EXT1: variants seen among roughly 807,000 people sequenced by gnomAD.
The protein encoded by EXT1 is exostosin glycosyltransferase 1.
EXT1 carries 20 observed loss-of-function variants against 82.5 expected under a neutral mutation model. The observed-to-expected ratio is 0.24, with a 90% CI of 0.17 to 0.35. The LOEUF (loss-of-function observed/expected upper bound fraction) is 0.35, where lower values mean the gene tolerates loss of function less well. EXT1 is among the 10% of genes least tolerant of loss of function. The pLI is 1.00. For missense variants in EXT1, 757 were observed against 936.5 expected, an observed-to-expected ratio of 0.81 and a Z score of 2.50; for synonymous variants, 348 against 350.8, an observed-to-expected ratio of 0.99 and a Z score of 0.09.
rs529572810 is a variant in EXT1, at chr8:117,820,941, T to C, written c.1418-1147A>G. 4.6e-5 allele frequency among the ~76,000 whole-genome samples: 7 copies of C among 152,262 alleles called. No homozygotes were observed. The East Asian group carries it at 1.2e-3, about 25-fold the overall frequency. ...TGAAGCCCTAGGTTAAAAAGGATCA[T>C]AGATATGCAAAACAACCACTGTCAC... On this transcript the variant is annotated intron_variant, in intron 5 of 10. Transcript: ENST00000378204.
At chr8:118,060,134 T>TAAAAAAAAAAAA (rs1381073250) in intron 1 of EXT1, among the ~76,000 whole-genome samples, 1 of 152,158 alleles carries the variant, frequency 6.6e-6, no homozygotes, top group Non-Finnish European at 1.5e-5. Flanking sequence ...AACTCTCAGG[T>TAAAAAAAAAAAA]AAAAATGAGT....
chr8:117,876,835 G>A (rs148445724), intron 1 of EXT1, among the ~76,000 whole-genome samples: 257 of 152,234 alleles, frequency 1.7e-3, no homozygotes, highest in Admixed American at 4.1e-3. Flanking sequence ...GTATTAAGTC[G>A]GAGGCCATCT....
At chr8:117,879,976 GTAAGCC>G (rs937633362) in intron 1 of EXT1, among the ~76,000 whole-genome samples, 3 of 152,202 alleles carry the variant, frequency 2.0e-5, no homozygotes, top group African/African-American at 7.2e-5. Context: ...GAAATAATGA[GTAAGCC>G]TGGACCTTCA....
chr8:117,819,871 T>C (rs1811894958), intron 5 of EXT1, 77 bp from the exon 6 acceptor site: 1 of 1,315,770 alleles, frequency 7.6e-7, no homozygotes, highest in South Asian at 1.2e-5. Flanking sequence ...CTTGCTCCGC[T>C]GCCTCATGCT....
chr8:118,044,180 T>A (rs375839452), intron 1 of EXT1, among the ~76,000 whole-genome samples: 1 of 152,228 alleles, frequency 6.6e-6, no homozygotes, highest in Non-Finnish European at 1.5e-5. Context: ...ATAGCAACTA[T>A]ACAAAACTAC....
intron 1 of EXT1, among the ~76,000 whole-genome samples, chr8:118,040,742 T>C (rs17476672): frequency 0.02 from 3,094 of 152,324 alleles, 108 homozygotes; most frequent in African/African-American, 0.07. Context: ...CAGGGAACTT[T>C]CTTATTTCTC....
At chr8:117,814,161 G>C (rs1811749619) in intron 7 of EXT1, among the ~76,000 whole-genome samples, 1 of 151,922 alleles carries the variant, frequency 6.6e-6, no homozygotes, top group African/African-American at 2.4e-5. Context: ...TAGAAAAATT[G>C]TGAAGGTGGT....
At chr8:117,933,025 G>A (rs989558782) in intron 1 of EXT1, among the ~76,000 whole-genome samples, 1 of 151,962 alleles carries the variant, frequency 6.6e-6, no homozygotes, top group Non-Finnish European at 1.5e-5. Context: ...GCTCTCACCT[G>A]TCTCAGGGCC....
At chr8:117,909,427 T>C (rs1330227952) in intron 1 of EXT1, among the ~76,000 whole-genome samples, 1 of 152,182 alleles carries the variant, frequency 6.6e-6, no homozygotes, top group Non-Finnish European at 1.5e-5. Context: ...AAACTGTAAA[T>C]GTATGTGATC....
At chr8:117,926,222 G>A (rs1315363713) in intron 1 of EXT1, among the ~76,000 whole-genome samples, 1 of 152,168 alleles carries the variant, frequency 6.6e-6, no homozygotes, top group Non-Finnish European at 1.5e-5. Context: ...TAGATCATTT[G>A]AGTCATAAAC....
At chr8:117,949,793 A>G (rs937468924) in intron 1 of EXT1, among the ~76,000 whole-genome samples, 1 of 152,214 alleles carries the variant, frequency 6.6e-6, no homozygotes, top group African/African-American at 2.4e-5. Flanking sequence ...CTGAGAAACT[A>G]TCCTAAGTAC....
intron 1 of EXT1, among the ~76,000 whole-genome samples, chr8:118,092,792 T>C (rs1475499578): frequency 6.6e-6 from 1 of 152,226 alleles, no homozygotes; most frequent in Non-Finnish European, 1.5e-5. Flanking sequence ...TGCCCTAGGC[T>C]GAAGGGCAGG....
intron 1 of EXT1, among the ~76,000 whole-genome samples, chr8:117,845,569 T>A (rs200223059): frequency 6.1e-5 from 5 of 82,268 alleles, no homozygotes; most frequent in South Asian, 4.9e-4. Context: ...AAAAAAAAAA[T>A]AAATAAAAGA....
At chr8:118,004,544 GA>G in intron 1 of EXT1, among the ~76,000 whole-genome samples, 1 of 152,304 alleles carries the variant, frequency 6.6e-6, no homozygotes, top group African/African-American at 2.4e-5. Context: ...GGAAACCAAA[GA>G]GGGAGCACAG....
At chr8:117,843,909 C>T (rs1812312062) in intron 1 of EXT1, among the ~76,000 whole-genome samples, 1 of 152,044 alleles carries the variant, frequency 6.6e-6, no homozygotes, top group African/African-American at 2.4e-5. Flanking sequence ...CATGCAGTGT[C>T]TAAAACTGAC....
chr8:117,961,807 GCTC>G (rs1814705423), intron 1 of EXT1, among the ~76,000 whole-genome samples: 1 of 152,166 alleles, frequency 6.6e-6, no homozygotes, highest in Non-Finnish European at 1.5e-5. Context: ...GGCGGGCTGA[GCTC>G]CTGCTGCTGG....
chr8:117,940,314 T>TG (rs1192082339), intron 1 of EXT1, among the ~76,000 whole-genome samples: 4 of 152,028 alleles, frequency 2.6e-5, no homozygotes, highest in African/African-American at 9.7e-5. Flanking sequence ...TGGAAGAAAA[T>TG]GCTGGCACAG....
At chr8:117,896,191 C>A (rs967722315) in intron 1 of EXT1, among the ~76,000 whole-genome samples, 5 of 152,160 alleles carry the variant, frequency 3.3e-5, no homozygotes, top group African/African-American at 1.2e-4. Flanking sequence ...GATGTGTGTG[C>A]ATGTGTGCAC....
intron 1 of EXT1, among the ~76,000 whole-genome samples, chr8:118,012,324 A>T (rs749292669): frequency 6.6e-6 from 1 of 152,240 alleles, no homozygotes; most frequent in Non-Finnish European, 1.5e-5. Flanking sequence ...GCTAAGGCCT[A>T]ATTCCCGAAG....
Sources: allele counts gnomAD v4.1 joint callset (sites outside exome capture counted in the v4.1 genomes callset), GRCh38; gene constraint gnomAD v4.1.1; transcripts MANE v1.5; gene names NCBI Gene and HGNC (gene_info 2026-07-23, HGNC 2026-07-21).